The following STK32B variants were observed in gnomAD, a reference collection of about 807,000 sequenced individuals.
The protein encoded by STK32B is serine/threonine kinase 32B.
In STK32B, 43 loss-of-function variants were observed where a neutral mutation model predicts 52.6. The ratio of observed to expected loss-of-function variants is 0.82; its 90% CI spans 0.64 to 1.05. The LOEUF is 1.05. Ranked by LOEUF, STK32B falls within the 50% of genes least tolerant of loss-of-function variation. The pLI is 0.00. For synonymous variants in STK32B, 238 were observed against 204.3 expected, an observed-to-expected ratio of 1.17 and a Z score of -1.41; for missense variants, 621 against 534.6, an observed-to-expected ratio of 1.16 and a Z score of -1.59.
rs1357013038 is a variant in STK32B, at chr4:5,058,115, AT to A, written c.52+6204del. Among the ~76,000 whole-genome samples the A allele has an allele frequency of 2.6e-5, 4 of 152,092 alleles. No homozygotes were observed. The highest frequency in any genetic ancestry group is 4.4e-5 in the Non-Finnish European group (3 of 68,026). On this transcript the variant is annotated intron_variant, in intron 1 of 11. Coordinates refer to ENST00000282908, the MANE Select transcript of STK32B (RefSeq NM_018401.3). This position sits in a 1 kb window ranked among gnomAD's most constrained non-coding sequence, Gnocchi z 4.8. ...CTTGGAGTACCCTTATGCATTGAAG[AT>A]TTTGGCCTCTGCTTCATCTCTCACA...
chr4:5,252,549 T>A (rs1047895340), intron 3 of STK32B, among the ~76,000 whole-genome samples: 2 of 152,178 alleles, frequency 1.3e-5, no homozygotes, highest in Non-Finnish European at 2.9e-5. Context: ...TGTGTCCTCC[T>A]CTTGTCCCTT....
chr4:5,470,745 C>T lies in STK32B; in HGVS notation c.1106+2675C>T, dbSNP rs1717793448. ...AAGTTGATTCATGACTCATGATTGC[C>T]TCAAAACAAGCATTTTTACTTTAAA... On this transcript the variant is annotated intron_variant, in intron 11 of 11. Transcript: ENST00000282908. The surrounding 1 kb of genome is among the most constrained non-coding windows in gnomAD (Gnocchi z 4.6). Among the ~76,000 whole-genome samples, 2 of 152,224 alleles carry T rather than the reference C, an allele frequency of 1.3e-5. No individual in the cohort carries two copies. Among genetic ancestry groups the T allele is most frequent in the Admixed American group, 6.5e-5 (1 of 15,282 alleles).
At chr4:5,323,889 A>G (rs1234873913) in intron 3 of STK32B, among the ~76,000 whole-genome samples, 1 of 152,196 alleles carries the variant, frequency 6.6e-6, no homozygotes, top group Non-Finnish European at 1.5e-5. Flanking sequence ...CACAGAGTCT[A>G]GGTTCTGGAC....
At chr4:5,259,421 G>A (rs1371012533) in intron 3 of STK32B, among the ~76,000 whole-genome samples, 1 of 152,142 alleles carries the variant, frequency 6.6e-6, no homozygotes, top group Non-Finnish European at 1.5e-5. Context: ...CCCAGGCTCT[G>A]GTATTCGACT....
intron 1 of STK32B, among the ~76,000 whole-genome samples, chr4:5,099,372 C>A (rs570846769): frequency 2.7e-4 from 41 of 152,202 alleles, no homozygotes; most frequent in South Asian, 1.0e-3. Context: ...TAGAGAGATT[C>A]TGCTAAACTG....
At chr4:5,356,795 G>A (rs1373066722) in intron 4 of STK32B, among the ~76,000 whole-genome samples, 3 of 152,028 alleles carry the variant, frequency 2.0e-5, no homozygotes, top group African/African-American at 4.8e-5. Context: ...TCAGGAGTTC[G>A]AGACCAGTCT....
At chr4:5,251,784 T>A (rs73797152) in intron 3 of STK32B, among the ~76,000 whole-genome samples, 1 of 152,176 alleles carries the variant, frequency 6.6e-6, no homozygotes, top group African/African-American at 2.4e-5. Context: ...TACACAGATC[T>A]TTCACCTCCC....
chr4:5,159,578 T>TATATATGAATGA (rs1553840363), intron 2 of STK32B, among the ~76,000 whole-genome samples: 6 of 22,282 alleles, frequency 2.7e-4, no homozygotes, highest in Admixed American at 8.6e-4. Context: ...TATATATGAA[T>TATATATGAATGA]ATATATATGA....
chr4:5,464,254 C>T (rs572647250), intron 9 of STK32B, among the ~76,000 whole-genome samples: 17 of 152,330 alleles, frequency 1.1e-4, no homozygotes, highest in Non-Finnish European at 2.2e-4. Context: ...CTGGGAATTA[C>T]ATCTCAACAT....
chr4:5,037,224 G>C, the STK32B span, among the ~76,000 whole-genome samples: 2 of 152,178 alleles, frequency 1.3e-5, no homozygotes, highest in African/African-American at 4.8e-5. Flanking sequence ...AATGTCCCCA[G>C]ACATTGCCAA....
At chr4:5,243,466 A>C (rs976090641) in intron 3 of STK32B, among the ~76,000 whole-genome samples, 1 of 152,200 alleles carries the variant, frequency 6.6e-6, no homozygotes, top group African/African-American at 2.4e-5. Context: ...CATCAGCTTA[A>C]GGAGATTTTG....
chr4:5,444,498 G>C (rs1263166179), intron 6 of STK32B, among the ~76,000 whole-genome samples: 2 of 152,158 alleles, frequency 1.3e-5, no homozygotes, highest in Admixed American at 6.5e-5. Flanking sequence ...TGCGCCCACT[G>C]TCTGGCACTC....
At chr4:5,333,413 C>T (rs1243115901) in intron 4 of STK32B, among the ~76,000 whole-genome samples, 2 of 152,078 alleles carry the variant, frequency 1.3e-5, no homozygotes, top group Non-Finnish European at 2.9e-5. Flanking sequence ...AAAATGTTCT[C>T]CCATTTTGTA....
chr4:5,371,010 ATGTATATATATG>A (rs1168725273), intron 4 of STK32B, among the ~76,000 whole-genome samples: 25 of 148,630 alleles, frequency 1.7e-4, no homozygotes, highest in Non-Finnish European at 2.8e-4. Context: ...ATATATATAT[ATGTATATATATG>A]TGTATATATA....
chr4:5,335,479 T>G (rs1732603744), intron 4 of STK32B, among the ~76,000 whole-genome samples: 1 of 152,202 alleles, frequency 6.6e-6, no homozygotes, highest in Admixed American at 6.5e-5. Context: ...TCTCTTTCCT[T>G]CAGTTCTGCT....
At chr4:5,106,055 C>G (rs1714088998) in intron 1 of STK32B, among the ~76,000 whole-genome samples, 1 of 151,684 alleles carries the variant, frequency 6.6e-6, no homozygotes, top group Non-Finnish European at 1.5e-5. Context: ...TTAATCCCAG[C>G]ACTTTGGGAG....
At chr4:5,304,773 G>GT (rs1729807386) in intron 3 of STK32B, among the ~76,000 whole-genome samples, 1 of 151,652 alleles carries the variant, frequency 6.6e-6, no homozygotes, top group African/African-American at 2.4e-5. Flanking sequence ...TTATCGGGGA[G>GT]GGGGGGTGCT....
chr4:5,023,023 ATGTGTGTGTT>A, the STK32B span, among the ~76,000 whole-genome samples: 1 of 150,704 alleles, frequency 6.6e-6, no homozygotes, highest in African/African-American at 2.4e-5. Flanking sequence ...GTGTGTGTAT[ATGTGTGTGTT>A]TGTGTGTGTC....
chr4:5,424,501 T>G (rs1260074118), intron 6 of STK32B, among the ~76,000 whole-genome samples: 1 of 152,166 alleles, frequency 6.6e-6, no homozygotes, highest in Non-Finnish European at 1.5e-5. Context: ...AACCCCAAAC[T>G]GAGCCAGACT....
Sources: allele counts gnomAD v4.1 joint callset (sites outside exome capture counted in the v4.1 genomes callset), GRCh38; gene constraint gnomAD v4.1.1; non-coding constraint Gnocchi (gnomAD v3.1); transcripts MANE v1.5; gene names NCBI Gene and HGNC (gene_info 2026-07-23, HGNC 2026-07-21).